The following MYO1B variants were observed in gnomAD, a reference collection of about 807,000 sequenced individuals.
The protein encoded by MYO1B is myosin IB.
Under a neutral mutation model 159.7 loss-of-function variants are expected in MYO1B, and 72 were observed. The observed-to-expected ratio is 0.45, with a 90% CI of 0.37 to 0.55. MYO1B has a LOEUF of 0.55. Among genes scored for constraint, MYO1B ranks in the 20% least tolerant of loss-of-function variants. The probability of loss-of-function intolerance (pLI) is 0.00; values close to 1 mark genes in which losing one functional copy is unlikely to be tolerated. For synonymous variants in MYO1B, 468 were observed against 473.8 expected, an observed-to-expected ratio of 0.99 and a Z score of 0.16; for missense variants, 1,062 against 1,364.8, an observed-to-expected ratio of 0.78 and a Z score of 3.50.
chr2:191,323,132 C>A (rs1690837819), intron 3 of MYO1B, among the ~76,000 whole-genome samples: 1 of 152,126 alleles, frequency 6.6e-6, no homozygotes, highest in South Asian at 2.1e-4. Flanking sequence ...TAGCTTTTAG[C>A]ATGCTAATGC....
At chr2:191,347,313 T>G (rs971293447) in intron 6 of MYO1B, among the ~76,000 whole-genome samples, 1 of 152,234 alleles carries the variant, frequency 6.6e-6, no homozygotes, top group Non-Finnish European at 1.5e-5. Context: ...TCCATCAGAT[T>G]AGCCCCTTAA....
chr2:191,271,729 A>T (rs2125722036), intron 1 of MYO1B, among the ~76,000 whole-genome samples: 1 of 152,318 alleles, frequency 6.6e-6, no homozygotes, highest in East Asian at 1.9e-4. Flanking sequence ...ATTTTAACTT[A>T]TCATCCATCT....
At chr2:191,378,731 G>C (rs1051625289) in intron 13 of MYO1B, among the ~76,000 whole-genome samples, 1 of 152,062 alleles carries the variant, frequency 6.6e-6, no homozygotes, top group East Asian at 1.9e-4. Flanking sequence ...GAAAATTTTG[G>C]GGGGTGGTAT....
chr2:191,371,296 A>G (rs973306172), intron 13 of MYO1B, among the ~76,000 whole-genome samples: 4 of 151,920 alleles, frequency 2.6e-5, no homozygotes, highest in Admixed American at 1.3e-4. Flanking sequence ...AGAATCTCAG[A>G]AAAAAAACAT....
chr2:191,323,795 A>G (rs995240009), intron 3 of MYO1B, among the ~76,000 whole-genome samples: 1 of 152,162 alleles, frequency 6.6e-6, no homozygotes, highest in Non-Finnish European at 1.5e-5. Flanking sequence ...TTTGTTTTGT[A>G]GCCAGTAAAA....
intron 1 of MYO1B, among the ~76,000 whole-genome samples, chr2:191,261,306 C>A (rs1686796929): frequency 6.6e-6 from 1 of 152,120 alleles, no homozygotes; most frequent in Non-Finnish European, 1.5e-5. Context: ...TGGAAATCAC[C>A]TGATAAGAAT....
rs117830655 is a variant in MYO1B, at chr2:191,326,190, C to T, written c.252-3745C>T. 6.8e-4 allele frequency among the ~76,000 whole-genome samples: 104 copies of T among 152,256 alleles called. 1 individual carries two copies. The East Asian group carries it at 0.013, about 20-fold the overall frequency. On this transcript the variant is annotated intron_variant, in intron 3 of 30. Coordinates refer to ENST00000392318, the MANE Select transcript of MYO1B (RefSeq NM_001130158.3). ...TAATGTGAAGCATATGGGTCACAACCGTTTTTAACTAAAGACTTCTCTAAA... is the reference window on the plus strand; with the variant it reads ...TAATGTGAAGCATATGGGTCACAACTGTTTTTAACTAAAGACTTCTCTAAA...
intron 20 of MYO1B, among the ~76,000 whole-genome samples, chr2:191,394,139 A>G (rs1023595835): frequency 6.6e-6 from 1 of 152,216 alleles, no homozygotes; most frequent in Non-Finnish European, 1.5e-5. Context: ...TATCTTTACA[A>G]TGGCTCATGC....
chr2:191,414,979 T>G lies in MYO1B; in HGVS notation c.3159+310T>G, dbSNP rs542537686. 1.2e-4 allele frequency among the ~76,000 whole-genome samples: 19 copies of G among 152,332 alleles called. 1 individual carries two copies. The East Asian group carries it at 2.9e-3, about 23-fold the overall frequency. The stretch of plus-strand genomic sequence containing the variant: ...AATGTCTTAATGTTCATCTCTAATC[T>G]GGGGGTTTACATTAAAGGATACAAC... On this transcript the variant is annotated intron_variant, in intron 29 of 30. Transcript: ENST00000392318.
At chr2:191,323,447 G>A (rs974230844) in intron 3 of MYO1B, among the ~76,000 whole-genome samples, 2 of 152,080 alleles carry the variant, frequency 1.3e-5, no homozygotes, top group African/African-American at 4.8e-5. Flanking sequence ...TAACACATGT[G>A]AACCATTTTA....
intron 30 of MYO1B, among the ~76,000 whole-genome samples, chr2:191,421,497 G>A (rs186009635): frequency 1.8e-3 from 271 of 152,226 alleles, no homozygotes; most frequent in African/African-American, 6.1e-3. Flanking sequence ...TTTTGAGGCA[G>A]AGTCTCCCTC....
At chr2:191,279,523 A>T (rs2125752393) in intron 2 of MYO1B, among the ~76,000 whole-genome samples, 1 of 151,992 alleles carries the variant, frequency 6.6e-6, no homozygotes, top group South Asian at 2.1e-4. Context: ...TTTTGTAATT[A>T]AAAAAAAGCT....
rs1202760321 is a variant in MYO1B at position 191,424,387 on chromosome 2, T to C, written c.*427T>C. 1 of 155,194 alleles carries C rather than the reference T, an allele frequency of 6.4e-6. No individual in the cohort carries two copies. The highest frequency in any genetic ancestry group is 2.4e-5 in the African/African-American group (1 of 41,542). The allele number at this position is 155,194 out of a possible 1,614,324, so 9.6% of individuals were successfully genotyped here. ...GTATGAAAACTTATTAGGAACCTTT[T>C]TGTTTTTGAGACCATTGCATTCTGG... is the stretch of plus-strand genomic sequence containing the variant. On this transcript the variant is annotated 3_prime_UTR_variant, in exon 31 of 31. Transcript: ENST00000392318.
At position 191,369,750 on chromosome 2, in the gene MYO1B, T is replaced by G. The variant is rs915576543; in HGVS notation, c.1119+122T>G. On this transcript the variant is annotated intron_variant, in intron 12 of 30. Transcript: ENST00000392318. Reference sequence around the variant, plus strand: ...ATTGCCACTTACAAAGATTATTCCTTAAAAAGAGTGTACCATGTATAAGAT... The same window carrying G: ...ATTGCCACTTACAAAGATTATTCCTGAAAAAGAGTGTACCATGTATAAGAT... 4.0e-6 allele frequency: 3 copies of G among 748,528 alleles called. No homozygotes were observed. In the Admixed American group the frequency reaches 7.3e-5, roughly 18 times the overall value. The allele number at this position is 748,528 out of a possible 1,614,324, so 46.4% of individuals were successfully genotyped here.
chr2:191,339,798 G>A (rs1236576972), intron 4 of MYO1B, among the ~76,000 whole-genome samples: 1 of 152,162 alleles, frequency 6.6e-6, no homozygotes, highest in East Asian at 1.9e-4. Flanking sequence ...TAGATTCTTG[G>A]TCTTCAGTGG....
At chr2:191,417,356 A>C (rs938348913) in intron 30 of MYO1B, among the ~76,000 whole-genome samples, 1 of 152,244 alleles carries the variant, frequency 6.6e-6, no homozygotes, top group Non-Finnish European at 1.5e-5. Flanking sequence ...TCTTTCTCAT[A>C]AAGAAATTAG....
intron 2 of MYO1B, among the ~76,000 whole-genome samples, chr2:191,279,774 A>G (rs1444551162): frequency 6.6e-6 from 1 of 152,166 alleles, no homozygotes; most frequent in Non-Finnish European, 1.5e-5. Context: ...GTTAAAAAAA[A>G]ACATCTTTTA....
intron 3 of MYO1B, among the ~76,000 whole-genome samples, chr2:191,317,806 C>T (rs774584710): frequency 1.2e-4 from 19 of 152,136 alleles, no homozygotes; most frequent in Admixed American, 2.0e-4. Context: ...CTTAATTCTT[C>T]GAGTATTTTA....
chr2:191,365,010 T>A (rs778356696), intron 11 of MYO1B, among the ~76,000 whole-genome samples: 1 of 152,012 alleles, frequency 6.6e-6, no homozygotes, highest in African/African-American at 2.4e-5. Flanking sequence ...ACCCTTGATA[T>A]TGGGGCCAGT....
Sources: gnomAD v4.1 joint callset for allele counts (sites outside exome capture counted in the v4.1 genomes callset) on GRCh38, gnomAD v4.1.1 for gene constraint, MANE v1.5 for transcripts, NCBI Gene and HGNC (gene_info 2026-07-23, HGNC 2026-07-21) for gene names.